Variants in COBLL1 observed in about 807,000 individuals in gnomAD.
COBLL1 encodes the protein cordon-bleu protein-like 1.
In COBLL1, 50 loss-of-function variants were observed where a neutral mutation model predicts 94.8. The ratio of observed to expected loss-of-function variants is 0.53; its 90% CI spans 0.42 to 0.67. The LOEUF is 0.67. Ranked by LOEUF, COBLL1 falls within the 30% of genes least tolerant of loss-of-function variation. The probability of loss-of-function intolerance (pLI) is 0.00; values close to 1 mark genes in which losing one functional copy is unlikely to be tolerated. For missense variants in COBLL1, 1,362 were observed against 1,348.7 expected (o/e 1.01, Z -0.15); for synonymous variants, 448 against 473.8 (o/e 0.95, Z 0.71).
intron 2 of COBLL1, among the ~76,000 whole-genome samples, chr2:164,828,115 T>A (rs3820993): frequency 0.23 from 35,713 of 152,036 alleles, 4,505 homozygotes; most frequent in African/African-American, 0.34. Flanking sequence ...TGAATATTAA[T>A]TACTCGGTTC....
At chr2:164,668,158 T>C (rs1691193291) in intron 1 of COBLL1, among the ~76,000 whole-genome samples, 1 of 152,132 alleles carries the variant, frequency 6.6e-6, no homozygotes, top group Admixed American at 6.5e-5. Flanking sequence ...GAGGTGGGGT[T>C]TCACCATGTT....
chr2:164,699,312 G>T, intron 11 of COBLL1, 93 bp downstream of exon 11: 1 of 814,002 alleles, frequency 1.2e-6, no homozygotes, highest in Non-Finnish European at 2.2e-6. Context: ...AGTTACAGGA[G>T]ATTAAATGAG....
intron 2 of COBLL1, among the ~76,000 whole-genome samples, chr2:164,807,820 A>T (rs1291547154): frequency 1.3e-5 from 2 of 151,510 alleles, no homozygotes; most frequent in African/African-American, 4.9e-5. Context: ...ATTTTATCTT[A>T]TTTTATTTTA....
chr2:164,796,504 T>C (rs1031623153), intron 2 of COBLL1, among the ~76,000 whole-genome samples: 2 of 151,778 alleles, frequency 1.3e-5, no homozygotes, highest in Non-Finnish European at 2.9e-5. Flanking sequence ...TTGAAGAAAA[T>C]AGGAATAAAC....
At chr2:164,754,544 G>A (rs1309488292) in intron 2 of COBLL1, among the ~76,000 whole-genome samples, 2 of 152,120 alleles carry the variant, frequency 1.3e-5, no homozygotes, top group South Asian at 2.1e-4. Context: ...GTAAAGACTT[G>A]AGCCCCAGCC....
In COBLL1 at chr2:164,727,144, G is replaced by T. The variant is rs1432164707; in HGVS notation, c.661+825C>A. The T allele has an allele frequency of 2.7e-6, 4 of 1,500,098 alleles. No individual in the cohort carries two copies. In the African/African-American group the frequency reaches 4.2e-5, roughly 16 times the overall value. 92.9% of individuals were successfully genotyped at this position (1,500,098 alleles called of 1,614,324 possible). ...CTTACTGAAGACAGTAACAGAAGTG[G>T]CTACAGAAGGAGGGGTATAAAAGAG... is the stretch of plus-strand genomic sequence containing the variant. On this transcript the variant is annotated intron_variant, in intron 5 of 13. Transcript: ENST00000652658.
At chr2:164,813,689 A>G (rs1458949434) in intron 2 of COBLL1, among the ~76,000 whole-genome samples, 2 of 152,220 alleles carry the variant, frequency 1.3e-5, no homozygotes, top group Non-Finnish European at 2.9e-5. Flanking sequence ...TTTACTCTCC[A>G]GCATCACAAC....
At position 164,694,591 on chromosome 2, in the gene COBLL1, GT is replaced by G; in HGVS notation, c.2800del (p.Thr934LeufsTer18). 1 of 1,613,898 alleles carries G rather than the reference GT, an allele frequency of 6.2e-7. No individual in the cohort carries two copies. Among genetic ancestry groups the G allele is most frequent in the Non-Finnish European group, 8.5e-7 (1 of 1,179,942 alleles). ...HSVPQPLVEKTDDDVIGQAPA... is the reference protein window; with the variant it reads ...HSVPQPLVEKXDDDVIGQAPA... ...AGCCTGACCGATGACATCATCATCA[GT>G]TTTTTCAACAAGGGGTTGTGGAACA... On this transcript the variant is annotated frameshift_variant, in exon 12 of 14. Coordinates refer to ENST00000652658, the MANE Select transcript of COBLL1 (RefSeq NM_001365672.2). LOFTEE classifies it high-confidence loss of function.
chr2:164,780,215 C>A (rs1404871798), intron 2 of COBLL1, among the ~76,000 whole-genome samples: 2 of 152,032 alleles, frequency 1.3e-5, no homozygotes, highest in Non-Finnish European at 2.9e-5. Flanking sequence ...TAGTAATAAC[C>A]GCCACTAAGG....
intron 5 of COBLL1, chr2:164,723,252 T>A (rs1685545538): frequency 6.6e-6 from 1 of 152,166 alleles, no homozygotes; most frequent in African/African-American, 2.4e-5. Context: ...AAGCCCTACT[T>A]TAGTTAGAAG....
At position 164,692,277 on chromosome 2, in the gene COBLL1, G is replaced by T. The variant is rs868427833; in HGVS notation, c.3244C>A (p.Arg1082=). The T allele has an allele frequency of 2.5e-6, 4 of 1,612,952 alleles. No homozygotes were observed. The East Asian group carries it at 6.7e-5, about 27-fold the overall frequency. Residue 1082 remains arginine, a synonymous_variant, in exon 13 of 14, where the codon CGA becomes AGA. Transcript: ENST00000652658. ...TFQSSDPEQM[R]QSLLTAIRSG... ...CGGATTGCAGTCAGCAAACTCTGTC[G>T]CATCTGTTCTGGGTCAGAGCTTTGG...
intron 2 of COBLL1, among the ~76,000 whole-genome samples, chr2:164,813,344 G>T (rs1167716362): frequency 6.6e-6 from 1 of 152,058 alleles, no homozygotes; most frequent in African/African-American, 2.4e-5. Flanking sequence ...CCTCACAGGG[G>T]TAACCAATGG....
At chr2:164,832,924 T>C (rs934540968) in intron 2 of COBLL1, among the ~76,000 whole-genome samples, 4 of 152,060 alleles carry the variant, frequency 2.6e-5, no homozygotes, top group Admixed American at 6.5e-5. Context: ...ATGCCTGTAA[T>C]CCCAGCTACT....
chr2:164,729,879 GA>G lies in COBLL1; in HGVS notation c.432+34del, dbSNP rs757311698. On this transcript the variant is annotated intron_variant, in intron 4 of 13. Coordinates refer to ENST00000652658, the MANE Select transcript of COBLL1 (RefSeq NM_001365672.2). Reference sequence around the variant, plus strand: ...TTACAATGAGCTGCTGATAATGACTGAATAAGACATCAAAATATATAATGGA... The same window carrying G: ...TTACAATGAGCTGCTGATAATGACTGATAAGACATCAAAATATATAATGGA... 14 of 1,544,570 alleles carry G rather than the reference GA, an allele frequency of 9.1e-6. No homozygotes were observed. The Admixed American group carries it at 2.3e-4, about 26-fold the overall frequency.
At position 164,699,475 on chromosome 2, in the gene COBLL1, A is replaced by G; in HGVS notation, c.1485T>C (p.Asp495=). 6.2e-7 allele frequency: 1 copy of G among 1,611,604 alleles called. No homozygotes were observed. Among genetic ancestry groups the G allele is most frequent in the Non-Finnish European group, 8.5e-7 (1 of 1,177,926 alleles). Residue 495 remains aspartate (D), a synonymous_variant, in exon 11 of 14, where the codon GAT becomes GAC. Transcript: ENST00000652658. ...DGQEPHSVVY[D]TSNGKKVVDS... ...CAACTACCTTCTTTCCATTGCTTGT[A>G]TCATATACTACACTGTGTGGTTCTC...
intron 2 of COBLL1, among the ~76,000 whole-genome samples, chr2:164,747,090 C>T (rs1003596872): frequency 6.6e-6 from 1 of 151,900 alleles, no homozygotes; most frequent in African/African-American, 2.4e-5. Context: ...GACTACTTTC[C>T]ACAGAAGATG....
chr2:164,665,950 G>C (rs888020123), intron 1 of COBLL1: 4 of 152,114 alleles, frequency 2.6e-5, no homozygotes, highest in African/African-American at 4.8e-5. Flanking sequence ...TTAGAATGAT[G>C]ATAGTTAACA....
chr2:164,671,782 G>C (rs1691245933), intron 1 of COBLL1, among the ~76,000 whole-genome samples: 1 of 151,626 alleles, frequency 6.6e-6, no homozygotes, highest in Non-Finnish European at 1.5e-5. Flanking sequence ...GCTTAGGACA[G>C]TTCTGACTGG....
At position 164,671,959 on chromosome 2, in the gene COBLL1, AAT is replaced by A. The variant is rs201238574; in HGVS notation, n.127-6060_127-6059del. ...ATTGCAGGGGAAAGAAAGTATCTTC[AAT>A]ATGTGTCTATATCTGTGCATGAGGC... On this transcript the variant is annotated intron_variant and non_coding_transcript_variant, in intron 1 of 2. Transcript: ENST00000495084. 4.1e-3 allele frequency among the ~76,000 whole-genome samples: 631 copies of A among 152,298 alleles called. 12 individuals are homozygous for A. Among genetic ancestry groups the A allele is most frequent in the African/African-American group, 0.014 (601 of 41,556 alleles).
Sources: gnomAD v4.1 joint callset for allele counts (sites outside exome capture counted in the v4.1 genomes callset) on GRCh38, gnomAD v4.1.1 for gene constraint, MANE v1.5 for transcripts, NCBI Gene and HGNC (gene_info 2026-07-23, HGNC 2026-07-21) for gene names.